The following HCN1 variants were observed in gnomAD, a reference collection of about 807,000 sequenced individuals.
HCN1 encodes the protein potassium/sodium hyperpolarization-activated cyclic nucleotide-gated channel 1.
HCN1 carries 13 observed loss-of-function variants against 78.9 expected under a neutral mutation model. The observed-to-expected ratio is 0.16, with a 90% confidence interval of 0.11 to 0.26. The LOEUF (loss-of-function observed/expected upper bound fraction) is 0.26, where lower values mean the gene tolerates loss of function less well. Ranked by LOEUF, HCN1 falls within the 10% of genes least tolerant of loss-of-function variation. The pLI, the probability that HCN1 is intolerant of heterozygous loss-of-function variation, is 1.00. For synonymous variants in HCN1, 552 were observed against 455.5 expected (o/e 1.21, Z -2.70); for missense variants, 810 against 1,154.3 (o/e 0.70, Z 4.32).
At chr5:45,303,187 C>T (rs1745661856) in intron 6 of HCN1, among the ~76,000 whole-genome samples, 1 of 152,096 alleles carries the variant, frequency 6.6e-6, no homozygotes, top group Admixed American at 6.6e-5. Context: ...CAAACAGAAG[C>T]TGTTAGTTTT....
chr5:45,609,912 T>A (rs1744801020), intron 2 of HCN1, among the ~76,000 whole-genome samples: 1 of 152,008 alleles, frequency 6.6e-6, no homozygotes, highest in Non-Finnish European at 1.5e-5. Flanking sequence ...GAATGTTGAG[T>A]AATTGTGTGA....
At chr5:45,624,008 G>C in intron 2 of HCN1, among the ~76,000 whole-genome samples, 1 of 152,162 alleles carries the variant, frequency 6.6e-6, no homozygotes, top group East Asian at 1.9e-4. Flanking sequence ...CATGAGTCAA[G>C]GGCACTCTTG....
intron 1 of HCN1, among the ~76,000 whole-genome samples, chr5:45,683,966 T>C (rs895808966): frequency 2.0e-5 from 3 of 152,136 alleles, no homozygotes; most frequent in Admixed American, 6.6e-5. Context: ...CCACCGTGCC[T>C]GGTCCCGCTT....
At chr5:45,366,184 G>A (rs1490473118) in intron 4 of HCN1, among the ~76,000 whole-genome samples, 3 of 151,490 alleles carry the variant, frequency 2.0e-5, no homozygotes, top group Non-Finnish European at 3.0e-5. Flanking sequence ...GTGTGTGTGT[G>A]TGTGTGTATG....
intron 1 of HCN1, among the ~76,000 whole-genome samples, chr5:45,672,432 G>A (rs1580040856): frequency 2.6e-5 from 4 of 151,294 alleles, no homozygotes; most frequent in Admixed American, 6.6e-5. Context: ...ACTTGTCTAC[G>A]TTAAGTACTT....
chr5:45,459,284 C>G (rs913653903), intron 3 of HCN1, among the ~76,000 whole-genome samples: 18 of 151,172 alleles, frequency 1.2e-4, no homozygotes, highest in Admixed American at 9.3e-4. Flanking sequence ...TAAGTTATGG[C>G]TTTTATATTT....
chr5:45,362,283 T>C (rs1386411449), intron 4 of HCN1, among the ~76,000 whole-genome samples: 2 of 151,936 alleles, frequency 1.3e-5, no homozygotes, highest in Non-Finnish European at 2.9e-5. Context: ...ACTCTTCCAT[T>C]TTTTTAAATT....
At chr5:45,646,955 T>C (rs1233840428) in intron 1 of HCN1, among the ~76,000 whole-genome samples, 1 of 152,174 alleles carries the variant, frequency 6.6e-6, no homozygotes, top group Non-Finnish European at 1.5e-5. Context: ...ACATGAATAC[T>C]CCTACTTAGA....
intron 2 of HCN1, among the ~76,000 whole-genome samples, chr5:45,529,535 C>T (rs571389181): frequency 7.9e-5 from 12 of 151,794 alleles, no homozygotes; most frequent in Middle Eastern, 3.4e-3. Context: ...GCAGGGAAGG[C>T]GTTAGAAATT....
chr5:45,469,588 C>T (rs1741345953), intron 2 of HCN1, among the ~76,000 whole-genome samples: 1 of 151,902 alleles, frequency 6.6e-6, no homozygotes, highest in South Asian at 2.1e-4. Context: ...ACTATACACA[C>T]TTAATTTCCA....
At chr5:45,588,490 C>A (rs1744287186) in intron 2 of HCN1, among the ~76,000 whole-genome samples, 1 of 152,164 alleles carries the variant, frequency 6.6e-6, no homozygotes, top group African/African-American at 2.4e-5. Context: ...CCTAGGTAAT[C>A]TTTACTTGTG....
At chr5:45,462,132 T>G (rs1375280382) in intron 2 of HCN1, 125 bp from the exon 3 acceptor site, 3 of 742,698 alleles carry the variant, frequency 4.0e-6, no homozygotes, top group Non-Finnish European at 6.8e-6. Flanking sequence ...TGGGAATAAC[T>G]TGCAGAAATA....
chr5:45,665,311 G>T (rs192847621), intron 1 of HCN1, among the ~76,000 whole-genome samples: 1,259 of 118,704 alleles, frequency 0.011, 40 homozygotes, highest in Admixed American at 0.081. Context: ...GGTGGGGGGA[G>T]GGGGGAGGGA....
At chr5:45,573,451 A>C (rs2111906469) in intron 2 of HCN1, among the ~76,000 whole-genome samples, 1 of 148,816 alleles carries the variant, frequency 6.7e-6, no homozygotes, top group South Asian at 2.2e-4. Context: ...TTTCCTGAGG[A>C]GGGTTTTCCA....
At chr5:45,338,621 ATAACAG>A (rs11279846) in intron 5 of HCN1, among the ~76,000 whole-genome samples, 34,504 of 151,822 alleles carry the variant, frequency 0.23, 4,988 homozygotes, top group African/African-American at 0.4. Context: ...CACTAAGAAC[ATAACAG>A]TGACCCAAAC....
chr5:45,613,603 C>G (rs1744886158), intron 2 of HCN1, among the ~76,000 whole-genome samples: 1 of 151,822 alleles, frequency 6.6e-6, no homozygotes, highest in Admixed American at 6.6e-5. Flanking sequence ...ACCCAGCCAT[C>G]CCATTACTGG....
intron 5 of HCN1, among the ~76,000 whole-genome samples, chr5:45,315,124 C>A (rs1382904783): frequency 6.6e-6 from 1 of 152,184 alleles, no homozygotes; most frequent in African/African-American, 2.4e-5. Context: ...CTTCTCAGCA[C>A]CACATCACAC....
intron 2 of HCN1, among the ~76,000 whole-genome samples, chr5:45,627,626 T>A (rs1050456454): frequency 1.3e-5 from 2 of 152,312 alleles, no homozygotes; most frequent in East Asian, 3.9e-4. Context: ...ACCTATCATG[T>A]CTACTTTGCA....
chr5:45,334,763 C>A (rs1458788845), intron 5 of HCN1, among the ~76,000 whole-genome samples: 2 of 151,896 alleles, frequency 1.3e-5, no homozygotes, highest in Non-Finnish European at 2.9e-5. Context: ...AAATCAGATC[C>A]TTTACATAAT....
Sources: allele counts gnomAD v4.1 joint callset (sites outside exome capture counted in the v4.1 genomes callset), GRCh38; gene constraint gnomAD v4.1.1; transcripts MANE v1.5; gene names NCBI Gene and HGNC (gene_info 2026-07-23, HGNC 2026-07-21).